SHTN1: variants seen among roughly 807,000 people sequenced by gnomAD.
SHTN1 encodes the protein shootin-1.
SHTN1 carries 42 observed loss-of-function variants against 83.1 expected under a neutral mutation model. The observed-to-expected ratio is 0.51, with a 90% CI of 0.39 to 0.65. The LOEUF is 0.65. Ranked by LOEUF, SHTN1 falls within the 30% of genes least tolerant of loss-of-function variation. The probability of loss-of-function intolerance (pLI) is 0.00; values close to 1 mark genes in which losing one functional copy is unlikely to be tolerated. For synonymous variants in SHTN1, 224 were observed against 247.7 expected, an observed-to-expected ratio of 0.90 and a Z score of 0.90; for missense variants, 622 against 737.8, an observed-to-expected ratio of 0.84 and a Z score of 1.82.
intron 16 of SHTN1, among the ~76,000 whole-genome samples, chr10:116,895,858 A>G (rs1847498938): frequency 6.6e-6 from 1 of 152,272 alleles, no homozygotes; most frequent in Middle Eastern, 3.4e-3. Context: ...TCACCTGTAA[A>G]ATTGGGATAA....
chr10:116,907,884 T>G (rs1357143776), intron 14 of SHTN1: 1 of 518,268 alleles, frequency 1.9e-6, no homozygotes, highest in Non-Finnish European at 3.9e-6. Flanking sequence ...ACTAAGGACT[T>G]GCCTTAATCC....
At chr10:117,126,415 C>T (rs955070629) in exon 1 of SHTN1, 1 of 208,624 alleles carries the variant, frequency 4.8e-6, no homozygotes, top group Non-Finnish European at 9.9e-6. Flanking sequence ...GTCCCTAGAG[C>T]GCCAGCCCTG....
intron 11 of SHTN1, among the ~76,000 whole-genome samples, chr10:116,926,445 A>C (rs189959668): frequency 3.3e-5 from 5 of 152,330 alleles, no homozygotes; most frequent in Admixed American, 2.6e-4. Flanking sequence ...AAAATACCTG[A>C]AATTCTTTCA....
intron 16 of SHTN1, among the ~76,000 whole-genome samples, chr10:116,896,801 C>CT (rs1230730641): frequency 0.024 from 2,867 of 121,670 alleles, 105 homozygotes; most frequent in African/African-American, 0.066. Flanking sequence ...TGATCAGGTA[C>CT]TTTTTTTTTT....
At chr10:116,991,188 A>G (rs1851422574) in intron 1 of SHTN1, among the ~76,000 whole-genome samples, 1 of 149,352 alleles carries the variant, frequency 6.7e-6, no homozygotes, top group African/African-American at 2.4e-5. Flanking sequence ...TCCGTCTCAA[A>G]AAAGAAAAAA....
chr10:117,099,713 C>T (rs373079475), intron 1 of SHTN1, among the ~76,000 whole-genome samples: 3 of 152,076 alleles, frequency 2.0e-5, no homozygotes, highest in Non-Finnish European at 4.4e-5. Context: ...ATCTAGGAGG[C>T]GCTCCATGAA....
intron 2 of SHTN1, among the ~76,000 whole-genome samples, chr10:117,033,113 A>G (rs1369528891): frequency 6.6e-6 from 1 of 152,162 alleles, no homozygotes; most frequent in Non-Finnish European, 1.5e-5. Flanking sequence ...AAATAATGTA[A>G]TGATTCATCT....
At chr10:116,895,092 T>C (rs141068269) in intron 16 of SHTN1, among the ~76,000 whole-genome samples, 2 of 152,286 alleles carry the variant, frequency 1.3e-5, no homozygotes, top group African/African-American at 2.4e-5. Context: ...GATACAATAA[T>C]AAAATGTATT....
At chr10:117,073,175 T>A (rs1853108322) in intron 1 of SHTN1, among the ~76,000 whole-genome samples, 1 of 151,972 alleles carries the variant, frequency 6.6e-6, no homozygotes, top group African/African-American at 2.4e-5. Context: ...GAAAAAAGAA[T>A]AAGAAAATAC....
At chr10:117,062,644 G>A (rs1237886101) in intron 1 of SHTN1, among the ~76,000 whole-genome samples, 2 of 152,156 alleles carry the variant, frequency 1.3e-5, no homozygotes, top group African/African-American at 2.4e-5. Flanking sequence ...AAAATTAAAT[G>A]AGACATTGTA....
chr10:117,094,721 G>A lies in SHTN1; in HGVS notation c.-189+31586C>T, dbSNP rs1162527802. On this transcript the variant is annotated intron_variant, in intron 1 of 17. Coordinates refer to the SHTN1 transcript ENST00000392901. ...TAAGTGAGTTGTGATTTTAATTACT[G>A]GAAAATGTTATTAATTCTGATAAGA... Among the ~76,000 whole-genome samples, 3 of 152,134 alleles carry A rather than the reference G, an allele frequency of 2.0e-5. No individual in the cohort carries two copies. The East Asian group carries it at 5.8e-4, about 29-fold the overall frequency.
chr10:116,901,797 C>T lies in SHTN1; in HGVS notation c.1641G>A (p.Leu547=). ...TAACCTTGGAACTTGTGCATCCTTC[C>T]AATTTACGGGGCCCTTCACCTGGCT... is the stretch of plus-strand genomic sequence containing the variant. ...TPEPGEGPRK[L]EGCTSSKVTF... Residue 547 remains leucine, a synonymous_variant, in exon 16 of 17, where the codon TTG becomes TTA. Coordinates refer to ENST00000355371, the MANE Select transcript of SHTN1 (RefSeq NM_001127211.3). The T allele has an allele frequency of 1.9e-6, 3 of 1,602,138 alleles. No individual in the cohort carries two copies. Among genetic ancestry groups the T allele is most frequent in the Non-Finnish European group, 2.6e-6 (3 of 1,176,406 alleles).
At chr10:116,969,175 C>T (rs1264992175) in intron 2 of SHTN1, among the ~76,000 whole-genome samples, 3 of 152,152 alleles carry the variant, frequency 2.0e-5, no homozygotes, top group South Asian at 2.1e-4. Flanking sequence ...GCCTGTAATC[C>T]CAGCACTCTG....
At position 117,099,009 on chromosome 10, in the gene SHTN1, TACACACACACACACACACAC is replaced by T. The variant is rs371738555; in HGVS notation, c.-189+27278_-189+27297del. On this transcript the variant is annotated intron_variant, in intron 1 of 17. Transcript: ENST00000392901. ...TTCCACAAAGAAAATGTGGTATGTA[TACACACACACACACACACAC>T]ACACACACACACACACCATAAAAAG... Among the ~76,000 whole-genome samples, 1,008 of 141,120 alleles carry T rather than the reference TACACACACACACACACACAC, an allele frequency of 7.1e-3. 9 individuals carry two copies. Among genetic ancestry groups the T allele is most frequent in the African/African-American group, 0.025 (969 of 38,428 alleles). The allele number at this position is 141,120 out of a possible 152,430, so 92.6% of individuals were successfully genotyped here.
At position 116,979,326 on chromosome 10, in the gene SHTN1, A is replaced by C. The variant is rs778024690; in HGVS notation, c.59-18T>G. 1.2e-6 allele frequency: 2 copies of C among 1,610,444 alleles called. No individual in the cohort carries two copies. Among genetic ancestry groups the C allele is most frequent in the Non-Finnish European group, 1.7e-6 (2 of 1,177,490 alleles). On this transcript the variant is annotated intron_variant, in intron 1 of 16. Transcript: ENST00000355371. The stretch of plus-strand genomic sequence containing the variant: ...GCCTATTGCTAAAAGAAAAAAGGAA[A>C]GCAACATTACAACACTGTCAAAAGT...
At position 117,039,806 on chromosome 10, in the gene SHTN1, T is replaced by C. The variant is rs985744718; in HGVS notation, c.-123+8639A>G. Among the ~76,000 whole-genome samples, 47 of 149,518 alleles carry C rather than the reference T, an allele frequency of 3.1e-4. No individual in the cohort carries two copies. The East Asian group carries it at 8.9e-3, about 28-fold the overall frequency. ...AGGCAGAGCTTGCAGTGAGCCAAGATTGCGCCCCTGCACTCCAGCCTGGGC... is the reference window on the plus strand; with the variant it reads ...AGGCAGAGCTTGCAGTGAGCCAAGACTGCGCCCCTGCACTCCAGCCTGGGC... On this transcript the variant is annotated intron_variant, in intron 2 of 17. Coordinates refer to the SHTN1 transcript ENST00000392901.
At chr10:116,974,200 A>T in intron 2 of SHTN1, 1 of 933,578 alleles carries the variant, frequency 1.1e-6, no homozygotes, top group Non-Finnish European at 1.3e-6. Context: ...CAGAACAGAG[A>T]TCCTTGCTCT....
At chr10:117,109,744 T>C (rs987403036) in intron 1 of SHTN1, among the ~76,000 whole-genome samples, 5 of 151,780 alleles carry the variant, frequency 3.3e-5, no homozygotes, top group Non-Finnish European at 5.9e-5. Context: ...TCTGTATTTT[T>C]AGTAGAGACG....
chr10:116,992,943 T>C (rs186751366), intron 1 of SHTN1, among the ~76,000 whole-genome samples: 1 of 152,188 alleles, frequency 6.6e-6, no homozygotes, highest in East Asian at 1.9e-4. Context: ...CTGAACATTT[T>C]TTAAATGAAA....
Sources: allele counts gnomAD v4.1 joint callset (sites outside exome capture counted in the v4.1 genomes callset), GRCh38; gene constraint gnomAD v4.1.1; transcripts MANE v1.5; gene names NCBI Gene and HGNC (gene_info 2026-07-23, HGNC 2026-07-21).